ZFP36L1: variants seen among roughly 807,000 people sequenced by gnomAD.
The protein encoded by ZFP36L1 is mRNA decay activator protein ZFP36L1.
In ZFP36L1, 4 loss-of-function variants were observed where a neutral mutation model predicts 16.7. That is an observed-to-expected ratio of 0.24 (90% CI 0.12 to 0.55). ZFP36L1 has a LOEUF of 0.55. Ranked by LOEUF, ZFP36L1 falls within the 20% of genes least tolerant of loss-of-function variation. ZFP36L1 has a pLI of 0.94. For missense variants in ZFP36L1, 311 were observed against 449.2 expected (o/e 0.69, Z 2.78); for synonymous variants, 220 against 190.8 (o/e 1.15, Z -1.26).
At chr14:68,793,501 A>C (rs992302953), upstream of ZFP36L1, 12 of 985,934 alleles carry the variant, frequency 1.2e-5, no homozygotes, top group African/African-American at 1.8e-5. Flanking sequence ...TCTTGTTGTC[A>C]TGTTGTTGTT....
chr14:68,794,088 G>C (rs999973614), upstream of ZFP36L1: 2 of 330,608 alleles, frequency 6.0e-6, no homozygotes, highest in Non-Finnish European at 8.6e-6. Flanking sequence ...AGCCCACCGA[G>C]CAACTCACTA....
intron 1 of ZFP36L1, 121 bp downstream of exon 1, chr14:68,792,761 A>C (rs531499532): frequency 7.2e-7 from 1 of 1,390,590 alleles, no homozygotes; most frequent in East Asian, 2.3e-5. Flanking sequence ...GCCGGAGGAG[A>C]AAAGAATCAT....
chr14:68,794,012 C>T (rs1895184365), upstream of ZFP36L1: 1 of 854,312 alleles, frequency 1.2e-6, no homozygotes, highest in African/African-American at 1.8e-5. Context: ...TTTCACGCAT[C>T]CAATCTTTAA....
At chr14:68,792,830 T>C in intron 1 of ZFP36L1, 52 bp downstream of exon 1, 1 of 1,612,152 alleles carries the variant, frequency 6.2e-7, no homozygotes, top group Non-Finnish European at 8.5e-7. Flanking sequence ...GGTTCTTTCT[T>C]AAGGCAAAAG....
chr14:68,792,688 G>A (rs964912864), intron 1 of ZFP36L1, among the ~76,000 whole-genome samples, 194 bp downstream of exon 1: 9 of 152,228 alleles, frequency 5.9e-5, no homozygotes, highest in East Asian at 1.9e-4. Flanking sequence ...ATCCCCGCCA[G>A]CAACTGTTGA....
upstream of ZFP36L1, chr14:68,793,406 G>C (rs1050898943): frequency 1.0e-5 from 10 of 1,000,702 alleles, no homozygotes; most frequent in African/African-American, 1.2e-4. Context: ...GGGGCCGCGC[G>C]GGCGCAGAGC....
chr14:68,789,694 G>A lies in ZFP36L1; in HGVS notation c.856C>T (p.Pro286Ser), dbSNP rs1566559608. ...CTGGGGGGAGAGTCAAACATGTGAG[G>A]GGACTCGGACATGGGCCGGAAGAGG... The part of the protein sequence containing the change: ...TFLFRPMSES[P>S]HMFDSPPSPQ... Residue 286 changes from proline (P) to serine (S), a missense_variant, in exon 2 of 2, where the codon CCT becomes TCT. Transcript: ENST00000439696. This position sits in a 1 kb window ranked among gnomAD's most constrained non-coding sequence, Gnocchi z 4.5. The A allele has an allele frequency of 6.2e-7, 1 of 1,614,078 alleles. No homozygotes were observed. The highest frequency in any genetic ancestry group is 8.5e-7 in the Non-Finnish European group (1 of 1,179,996).
chr14:68,790,527 G>A (rs563379320), intron 1 of ZFP36L1, 35 bp from the exon 2 acceptor site: 2 of 1,610,140 alleles, frequency 1.2e-6, no homozygotes, highest in South Asian at 1.1e-5. Context: ...TAAGGACAGA[G>A]GACATCCACC....
At position 68,788,124 on chromosome 14, in the gene ZFP36L1, T is replaced by TA. The variant is rs529687814; in HGVS notation, c.*1408dup. On this transcript the variant is annotated 3_prime_UTR_variant, in exon 2 of 2. Transcript: ENST00000439696. The stretch of plus-strand genomic sequence containing the variant: ...AACAGTTTTTTGCATTTTTTTAAAT[T>TA]AATTTTTCATTTTTTTAAAATAAAA... The TA allele has an allele frequency of 1.0e-3, 156 of 152,236 alleles. 1 individual carries two copies. Among genetic ancestry groups the TA allele is most frequent in the African/African-American group, 3.7e-3 (154 of 41,530 alleles). 9.4% of individuals were successfully genotyped at this position (152,236 alleles called of 1,614,324 possible). A position where few individuals can be genotyped will look rare whatever the true frequency, so the allele number is the denominator to read the frequency against.
chr14:68,791,914 G>C (rs1895082810), intron 1 of ZFP36L1, among the ~76,000 whole-genome samples: 3 of 152,154 alleles, frequency 2.0e-5, no homozygotes, highest in African/African-American at 7.2e-5. Flanking sequence ...AGAGCAACAT[G>C]ACCCGACGTG....
At position 68,790,244 on chromosome 14, in the gene ZFP36L1, C is replaced by T; in HGVS notation, c.306G>A (p.Gln102=). ...SEGGERLLPT[Q]KQPGGGQVNS... ...TGACCTGGCCGCCCCCGGGCTGCTT[C>T]TGGGTGGGCAGCAGCCGCTCGCCCC... The change falls in exon 2 of 2, where the codon CAG becomes CAA. Residue 102 remains glutamine (Q), a synonymous_variant. Transcript: ENST00000439696. The T allele has an allele frequency of 6.2e-7, 1 of 1,612,068 alleles. No individual in the cohort carries two copies. Among genetic ancestry groups the T allele is most frequent in the South Asian group, 1.1e-5 (1 of 91,078 alleles).
At chr14:68,791,254 C>A in intron 1 of ZFP36L1, 1 of 554,520 alleles carries the variant, frequency 1.8e-6, no homozygotes, top group Non-Finnish European at 3.2e-6. Context: ...AGTCTTTTGG[C>A]TGCAAGAGCA....
At chr14:68,790,555 C>A in intron 1 of ZFP36L1, 63 bp from the exon 2 acceptor site, 1 of 1,588,700 alleles carries the variant, frequency 6.3e-7, no homozygotes. Context: ...CCACTATGGG[C>A]AGCCCCCTAC....
intron 1 of ZFP36L1, among the ~76,000 whole-genome samples, chr14:68,792,256 T>C: frequency 7.2e-6 from 1 of 138,770 alleles, no homozygotes; most frequent in African/African-American, 2.7e-5. Context: ...TCAACCTGAA[T>C]GCCTCTTTCA....
At chr14:68,792,825 T>G (rs1282184849) in intron 1 of ZFP36L1, 57 bp downstream of exon 1, 9 of 1,611,792 alleles carry the variant, frequency 5.6e-6, no homozygotes, top group Non-Finnish European at 6.8e-6. Flanking sequence ...TTGGGGGTTC[T>G]TTCTTAAGGC....
rs974391036 is a variant in ZFP36L1, at chr14:68,788,022, G to C, written c.*1511C>G. ...ACTTTTACATACATTCTCAGTCCTA[G>C]TTGTGAAAGGCCTAAAGAGAAAGAA... On this transcript the variant is annotated 3_prime_UTR_variant, in exon 2 of 2. Transcript: ENST00000439696. The C allele has an allele frequency of 2.0e-5, 3 of 151,982 alleles. No individual in the cohort carries two copies. The highest frequency in any genetic ancestry group is 4.9e-5 in the African/African-American group (2 of 41,128). The allele number at this position is 151,982 out of a possible 1,614,324, so 9.4% of individuals were successfully genotyped here. A position where few individuals can be genotyped will look rare whatever the true frequency, so the allele number is the denominator to read the frequency against.
chr14:68,790,631 C>G lies in ZFP36L1; in HGVS notation c.58-139G>C, dbSNP rs1895044388. ...TACCTCGGCTCTAGCAAGCTCCCTT[C>G]CCTCTCTCCCTCCCATAGGCCATTC... On this transcript the variant is annotated intron_variant, in intron 1 of 1. Coordinates refer to ENST00000439696, the MANE Select transcript of ZFP36L1 (RefSeq NM_004926.4). 4 of 1,189,162 alleles carry G rather than the reference C, an allele frequency of 3.4e-6. No homozygotes were observed. The East Asian group carries it at 1.0e-4, about 30-fold the overall frequency. 73.7% of individuals were successfully genotyped at this position (1,189,162 alleles called of 1,614,324 possible).
At chr14:68,793,778 C>T (rs1895176114), upstream of ZFP36L1, 1 of 985,134 alleles carries the variant, frequency 1.0e-6, no homozygotes, top group Admixed American at 6.2e-5. Flanking sequence ...TCCAGCGGGG[C>T]GTAGGGTGGG....
At chr14:68,795,727 G>A (rs1344376606), upstream of ZFP36L1, 6 of 519,796 alleles carry the variant, frequency 1.2e-5, no homozygotes, top group Non-Finnish European at 2.4e-5. Context: ...GCCGACCAAG[G>A]GTTTGTTCCA....
Sources: gnomAD v4.1 joint callset for allele counts (sites outside exome capture counted in the v4.1 genomes callset) on GRCh38, gnomAD v4.1.1 for gene constraint, Gnocchi (gnomAD v3.1) non-coding constraint, MANE v1.5 for transcripts, NCBI Gene and HGNC (gene_info 2026-07-23, HGNC 2026-07-21) for gene names.